GOLGA1: variants seen among roughly 807,000 people sequenced by gnomAD.
GOLGA1 encodes the protein golgin A1, also known as golgin subfamily A member 1.
In GOLGA1, 63 loss-of-function variants were observed where a neutral mutation model predicts 119.7. The ratio of observed to expected loss-of-function variants is 0.53; its 90% confidence interval spans 0.43 to 0.65. GOLGA1 has a LOEUF of 0.65. Among genes scored for constraint, GOLGA1 ranks in the 30% least tolerant of loss-of-function variants. The probability of loss-of-function intolerance (pLI) is 0.00; values close to 1 mark genes in which losing one functional copy is unlikely to be tolerated. For synonymous variants in GOLGA1, 318 were observed against 333.4 expected, an observed-to-expected ratio of 0.95 and a Z score of 0.50; for missense variants, 798 against 912.8, an observed-to-expected ratio of 0.87 and a Z score of 1.62.
At chr9:124,911,815 C>CA in intron 11 of GOLGA1, 86 bp downstream of exon 11, 1 of 1,205,122 alleles carries the variant, frequency 8.3e-7, no homozygotes, top group Non-Finnish European at 1.2e-6. Flanking sequence ...GCTGGCCCTA[C>CA]AGCTCTGAAA....
Position 124,888,388 on chromosome 9 carries a change from C to T in GOLGA1, c.1770G>A (p.Ser590=), listed in dbSNP as rs753583730. 1.9e-5 allele frequency: 31 copies of T among 1,613,886 alleles called. No homozygotes were observed. In the South Asian group the frequency reaches 2.7e-4, roughly 14 times the overall value. The stretch of plus-strand genomic sequence containing the variant: ...GGAACACAGGGTCCTGCATGGCCCT[C>T]GAGGTCACCTACAAGGTGGCAGCAG... ...ALSVNESHVT[S]RAMQDPVFQL... The change falls in exon 19 of 23, where the codon TCG becomes TCA. Residue 590 remains serine, a synonymous_variant. Coordinates refer to ENST00000373555, the MANE Select transcript of GOLGA1 (RefSeq NM_002077.4). The surrounding 1 kb of genome is among the most constrained non-coding windows in gnomAD (Gnocchi z 4.4).
In GOLGA1 at chr9:124,882,574, G is replaced by A. The variant is rs748861784; in HGVS notation, c.1906-5C>T. The stretch of plus-strand genomic sequence containing the variant: ...CTGCTGCATCTGCTTTATGGTCTGC[G>A]ACAAGCCCCACCCCACAGAAAGCCA... On this transcript the variant is annotated splice_polypyrimidine_tract_variant and splice_region_variant and intron_variant, in intron 19 of 22. Transcript: ENST00000373555. 6.2e-6 allele frequency: 10 copies of A among 1,610,652 alleles called. No individual in the cohort carries two copies. The highest frequency in any genetic ancestry group is 2.2e-5 in the East Asian group (1 of 44,868).
chr9:124,901,492 T>C (rs550404709), intron 12 of GOLGA1, among the ~76,000 whole-genome samples: 4 of 150,166 alleles, frequency 2.7e-5, no homozygotes, highest in Non-Finnish European at 5.9e-5. Flanking sequence ...TGGCGTGCAG[T>C]AGTGCAATCT....
chr9:124,885,527 T>G (rs1829702375), intron 19 of GOLGA1, among the ~76,000 whole-genome samples: 1 of 145,816 alleles, frequency 6.9e-6, no homozygotes. Context: ...ATCCGCAGTG[T>G]ATCAGAGGGT....
intron 12 of GOLGA1, among the ~76,000 whole-genome samples, chr9:124,906,425 T>C (rs827426): frequency 0.96 from 145,665 of 151,358 alleles, 70,321 homozygotes; most frequent in East Asian, 1. Flanking sequence ...AGTGAGACTC[T>C]ATCTCAAAAA....
intron 16 of GOLGA1, 104 bp downstream of exon 16, chr9:124,890,285 T>TA: frequency 1.3e-6 from 1 of 796,874 alleles, no homozygotes; most frequent in Non-Finnish European, 2.2e-6. Context: ...TCTACTACCC[T>TA]ACCCTGGAGA....
chr9:124,888,185 G>A lies in GOLGA1; in HGVS notation c.1905+68C>T. 1 of 1,452,656 alleles carries A rather than the reference G, an allele frequency of 6.9e-7. No individual in the cohort carries two copies. The highest frequency in any genetic ancestry group is 9.6e-7 in the Non-Finnish European group (1 of 1,036,404). The allele number at this position is 1,452,656 out of a possible 1,614,324, so 90.0% of individuals were successfully genotyped here. A position where few individuals can be genotyped will look rare whatever the true frequency, so the allele number is the denominator to read the frequency against. ...CCACAAAAACCTCCAAGGATGGACT[G>A]GGTCATTTTAGGCCTGAGGGTGAGG... On this transcript the variant is annotated intron_variant, in intron 19 of 22. Coordinates refer to ENST00000373555, the MANE Select transcript of GOLGA1 (RefSeq NM_002077.4). The surrounding 1 kb of genome is among the most constrained non-coding windows in gnomAD (Gnocchi z 4.4).
intron 19 of GOLGA1, among the ~76,000 whole-genome samples, chr9:124,886,366 G>A (rs1027980859): frequency 6.6e-6 from 1 of 152,184 alleles, no homozygotes; most frequent in African/African-American, 2.4e-5. Flanking sequence ...GCCATGGATG[G>A]GAGCTTCAGG....
chr9:124,935,230 T>C (rs1196607339), intron 3 of GOLGA1, among the ~76,000 whole-genome samples: 4 of 152,226 alleles, frequency 2.6e-5, no homozygotes, highest in Non-Finnish European at 5.9e-5. Flanking sequence ...TGCATATACA[T>C]AATATAATAT....
chr9:124,902,248 A>T (rs796455667), intron 12 of GOLGA1, among the ~76,000 whole-genome samples: 51 of 151,596 alleles, frequency 3.4e-4, no homozygotes, highest in African/African-American at 1.2e-3. Flanking sequence ...AGTAGCTGGG[A>T]CTACAGGCAA....
At chr9:124,932,527 T>C (rs1476575589) in intron 3 of GOLGA1, among the ~76,000 whole-genome samples, 1 of 152,154 alleles carries the variant, frequency 6.6e-6, no homozygotes, top group Admixed American at 6.5e-5. Context: ...GTTTCCTCAT[T>C]TGCAATCTGT....
intron 19 of GOLGA1, among the ~76,000 whole-genome samples, chr9:124,886,622 G>GT (rs1160630662): frequency 6.6e-6 from 1 of 152,104 alleles, no homozygotes; most frequent in Non-Finnish European, 1.5e-5. Context: ...GGTGCAAGCC[G>GT]AGGGCTTTCA....
chr9:124,926,629 T>G, intron 7 of GOLGA1, 80 bp downstream of exon 7: 1 of 864,742 alleles, frequency 1.2e-6, no homozygotes, highest in East Asian at 2.4e-5. Context: ...GCAATCAGTA[T>G]GTTGGTTACC....
intron 7 of GOLGA1, among the ~76,000 whole-genome samples, chr9:124,923,547 C>A (rs148430385): frequency 1.3e-3 from 199 of 151,982 alleles, no homozygotes; most frequent in African/African-American, 4.4e-3. Context: ...TTTACAAATT[C>A]TTTAATTGAA....
upstream of GOLGA1, chr9:124,942,466 C>T (rs1254111008): frequency 6.6e-6 from 1 of 152,102 alleles, no homozygotes; most frequent in Non-Finnish European, 1.5e-5. Context: ...AGGAGCAGGG[C>T]AGGGAAAAAA....
At chr9:124,910,187 C>T (rs936759403) in intron 11 of GOLGA1, among the ~76,000 whole-genome samples, 2 of 152,152 alleles carry the variant, frequency 1.3e-5, no homozygotes, top group African/African-American at 4.8e-5. Flanking sequence ...CCTCGGCCTC[C>T]CAAAGTGCTG....
Position 124,889,171 on chromosome 9 carries a change from G to A in GOLGA1, c.1733C>T (p.Ala578Val). The A allele has an allele frequency of 6.2e-7, 1 of 1,611,910 alleles. No individual in the cohort carries two copies. Among genetic ancestry groups the A allele is most frequent in the African/African-American group, 1.3e-5 (1 of 74,984 alleles). Residue 578 changes from alanine (A) to valine (V), a missense_variant, in exon 18 of 23, where the codon GCC becomes GTC. Physicochemically the swap from Ala to Val is moderately conservative, Grantham distance 64. Transcript: ENST00000373555. ...CGACTCATTGACTGAGAGTGCTTCGGCCTGCAATGGGCCCCGCAGCCTCAG... is the reference window on the plus strand; with the variant it reads ...CGACTCATTGACTGAGAGTGCTTCGACCTGCAATGGGCCCCGCAGCCTCAG... ...DLLRLRGPLQ[A>V]EALSVNESHV...
rs148961118 is a variant in GOLGA1 at position 124,890,788 on chromosome 9, G to A, written c.1408-310C>T. On this transcript the variant is annotated intron_variant, in intron 15 of 22. Coordinates refer to ENST00000373555, the MANE Select transcript of GOLGA1 (RefSeq NM_002077.4). ...CTGAAGAGCTGGTCTAAGGACAGTAGCCAAGAACAAGAAGTCAGACTCGCA... is the reference window on the plus strand; with the variant it reads ...CTGAAGAGCTGGTCTAAGGACAGTAACCAAGAACAAGAAGTCAGACTCGCA... Among the ~76,000 whole-genome samples, 48 of 152,334 alleles carry A rather than the reference G, an allele frequency of 3.2e-4. No individual in the cohort carries two copies. The East Asian group carries it at 8.1e-3, about 26-fold the overall frequency.
chr9:124,878,844 A>C lies in GOLGA1; in HGVS notation c.*1686T>G, dbSNP rs1369045640. 1 of 152,268 alleles carries C rather than the reference A, an allele frequency of 6.6e-6. No homozygotes were observed. Among genetic ancestry groups the C allele is most frequent in the African/African-American group, 2.4e-5 (1 of 41,466 alleles). The allele number at this position is 152,268 out of a possible 1,614,324, so 9.4% of individuals were successfully genotyped here. A position where few individuals can be genotyped will look rare whatever the true frequency, so the allele number is the denominator to read the frequency against. On this transcript the variant is annotated 3_prime_UTR_variant, in exon 23 of 23. Coordinates refer to ENST00000373555, the MANE Select transcript of GOLGA1 (RefSeq NM_002077.4). ...TCTTTCCTGGAACAGTTGAAAAAGGAAATCCTACTTTGAAAAAAGGCTACC... is the reference window on the plus strand; with the variant it reads ...TCTTTCCTGGAACAGTTGAAAAAGGCAATCCTACTTTGAAAAAAGGCTACC...
Sources: allele counts gnomAD v4.1 joint callset (sites outside exome capture counted in the v4.1 genomes callset), GRCh38; gene constraint gnomAD v4.1.1; non-coding constraint Gnocchi (gnomAD v3.1); transcripts MANE v1.5; gene names NCBI Gene and HGNC (gene_info 2026-07-23, HGNC 2026-07-21).